KRT4: variants seen among roughly 807,000 people sequenced by gnomAD.
The protein encoded by KRT4 is keratin 4.
Under a neutral mutation model 50.6 loss-of-function variants are expected in KRT4, and 47 were observed. The observed-to-expected ratio is 0.93, with a 90% CI of 0.73 to 1.18. KRT4 has a LOEUF of 1.18. KRT4 is among the 50% of genes most tolerant of loss of function. The pLI is 0.00. For missense variants in KRT4, 651 were observed against 645.7 expected (o/e 1.01, Z -0.09); for synonymous variants, 254 against 251.2 (o/e 1.01, Z -0.10).
Position 52,807,048 on chromosome 12 carries a change from G to C in KRT4, c.*21C>G. 3 of 1,612,862 alleles carry C rather than the reference G, an allele frequency of 1.9e-6. No individual in the cohort carries two copies. The highest frequency in any genetic ancestry group is 2.5e-6 in the Non-Finnish European group (3 of 1,178,938). Reference sequence around the variant, plus strand: ...TGCTGGGCCCAGCTGGACACAGTGAGCTGCAGGGACCTCGTCTCCTCTATC... The same window carrying C: ...TGCTGGGCCCAGCTGGACACAGTGACCTGCAGGGACCTCGTCTCCTCTATC... On this transcript the variant is annotated 3_prime_UTR_variant, in exon 9 of 9. Transcript: ENST00000551956.
At chr12:52,808,987 T>C in intron 4 of KRT4, 137 bp from the exon 5 acceptor site, 4 of 950,288 alleles carry the variant, frequency 4.2e-6, no homozygotes, top group South Asian at 1.4e-5. Context: ...AGAAATCAAG[T>C]GGTTGTGACA....
chr12:52,807,116 A>C lies in KRT4; in HGVS notation c.1516T>G (p.Ser506Ala), dbSNP rs1939810288. ...GTGGTAGAGATGATCTTGCTGCTGGAACTGCCAGAGACACTGCCACCAAAC... is the reference window on the plus strand; with the variant it reads ...GTGGTAGAGATGATCTTGCTGCTGGCACTGCCAGAGACACTGCCACCAAAC... ...FGFGGSVSGS[S>A]SSKIISTTTL... is the part of the protein sequence containing the mutation. Residue 506 changes from serine (S) to alanine (A), a missense_variant, in exon 9 of 9, where the codon TCC becomes GCC. Physicochemically the swap from Ser to Ala is moderately conservative, Grantham distance 99. Coordinates refer to ENST00000551956, the MANE Select transcript of KRT4 (RefSeq NM_002272.4). 3 of 1,613,940 alleles carry C rather than the reference A, an allele frequency of 1.9e-6. No individual in the cohort carries two copies. Among genetic ancestry groups the C allele is most frequent in the Admixed American group, 3.3e-5 (2 of 59,996 alleles).
intron 8 of KRT4, 53 bp downstream of exon 8, chr12:52,807,306 T>A: frequency 6.2e-7 from 1 of 1,613,232 alleles, no homozygotes; most frequent in Non-Finnish European, 8.5e-7. Context: ...ACCCCAGGGG[T>A]CTGGCAAGAC....
At chr12:52,813,528 G>C in intron 1 of KRT4, 69 bp downstream of exon 1, 1 of 1,396,324 alleles carries the variant, frequency 7.2e-7, no homozygotes, top group South Asian at 1.2e-5. Context: ...GGCAGGCTCA[G>C]GTCTGAGACC....
chr12:52,808,363 C>G lies in KRT4; in HGVS notation c.1056G>C (p.Lys352Asn), dbSNP rs762292949. ...DQHGDNLKNT[K>N]SEIAELNRMI... Reference sequence around the variant, plus strand: ...TCCTGTTGAGCTCTGCAATTTCACTCTTGGTGTTCTTCAGGTTGTCACCAT... The same window carrying G: ...TCCTGTTGAGCTCTGCAATTTCACTGTTGGTGTTCTTCAGGTTGTCACCAT... Residue 352 changes from lysine to asparagine, a missense_variant, in exon 6 of 9, where the codon AAG (lysine) becomes AAC (asparagine). Transcript: ENST00000551956. The G allele has an allele frequency of 1.8e-5, 29 of 1,614,034 alleles. No homozygotes were observed. Among genetic ancestry groups the G allele is most frequent in the Non-Finnish European group, 2.4e-5 (28 of 1,180,046 alleles).
rs1443872523 is a variant in KRT4 at position 52,807,109 on chromosome 12, C to T, written c.1523G>A (p.Ser508Asn). 6.2e-7 allele frequency: 1 copy of T among 1,614,154 alleles called. No individual in the cohort carries two copies. The change falls in exon 9 of 9, where the codon AGC (serine) becomes AAC (asparagine). Residue 508 changes from serine to asparagine, a missense_variant. By Grantham distance (46) the Ser-to-Asn change is conservative. Transcript: ENST00000551956. ...CAGGGTGGTGGTAGAGATGATCTTG[C>T]TGCTGGAACTGCCAGAGACACTGCC... Reference protein sequence around the residue: ...FGGSVSGSSSSKIISTTTLNK... With the variant: ...FGGSVSGSSSNKIISTTTLNK...
intron 1 of KRT4, among the ~76,000 whole-genome samples, chr12:52,812,311 TAA>T (rs1173430558): frequency 2.0e-5 from 3 of 152,066 alleles, no homozygotes; most frequent in Non-Finnish European, 4.4e-5. Flanking sequence ...AAAATAAAAT[TAA>T]GAGACATCAC....
chr12:52,807,886 A>G, intron 6 of KRT4, 22 bp from the exon 7 acceptor site: 1 of 1,608,630 alleles, frequency 6.2e-7, no homozygotes. Context: ...GGCATTAGAT[A>G]GGTGGTCAGC....
chr12:52,810,408 G>T (rs527845159), intron 3 of KRT4, among the ~76,000 whole-genome samples: 7 of 152,076 alleles, frequency 4.6e-5, no homozygotes, highest in Non-Finnish European at 7.4e-5. Flanking sequence ...TTAGCCAGGC[G>T]TGGTGGTGCA....
In KRT4 at chr12:52,813,639, C is replaced by T; in HGVS notation, c.420G>A (p.Gln140=). The T allele has an allele frequency of 6.2e-7, 1 of 1,614,034 alleles. No homozygotes were observed. Among genetic ancestry groups the T allele is most frequent in the South Asian group, 1.1e-5 (1 of 91,080 alleles). ...CAAACTTGTTGTTGAGGAGCTTGATCTGTTCGCGCTCTTCCGTCCGGACTT... is the reference window on the plus strand; with the variant it reads ...CAAACTTGTTGTTGAGGAGCTTGATTTGTTCGCGCTCTTCCGTCCGGACTT... ...IQKVRTEERE[Q]IKLLNNKFAS... is the part of the protein sequence containing the mutation. The change falls in exon 1 of 9, where the codon CAG becomes CAA. Residue 140 remains glutamine (Q), a synonymous_variant. Coordinates refer to ENST00000551956, the MANE Select transcript of KRT4 (RefSeq NM_002272.4).
intron 8 of KRT4, 49 bp downstream of exon 8, chr12:52,807,310 G>T (rs1219910431): frequency 6.2e-7 from 1 of 1,614,146 alleles, no homozygotes; most frequent in Admixed American, 1.7e-5. Context: ...CAGGGGTCTG[G>T]CAAGACCCGG....
chr12:52,811,196 C>A (rs1324006312), intron 2 of KRT4, among the ~76,000 whole-genome samples: 1 of 152,172 alleles, frequency 6.6e-6, no homozygotes, highest in Non-Finnish European at 1.5e-5. Context: ...AATTGAGAGA[C>A]AGGGTTGGTA....
At position 52,806,693 on chromosome 12, in the gene KRT4, T is replaced by C; in HGVS notation, c.*376A>G. On this transcript the variant is annotated 3_prime_UTR_variant, in exon 9 of 9. Transcript: ENST00000551956. ...TGTTGGAGAAGTAGTTTGGTTCTGA[T>C]GTAGATGGATAATACAGGATCTAGT... 1 of 331,738 alleles carries C rather than the reference T, an allele frequency of 3.0e-6. No homozygotes were observed. Among genetic ancestry groups the C allele is most frequent in the East Asian group, 6.9e-5 (1 of 14,402 alleles). 20.5% of individuals were successfully genotyped at this position (331,738 alleles called of 1,614,324 possible).
At chr12:52,812,472 A>G (rs1939930032) in intron 1 of KRT4, among the ~76,000 whole-genome samples, 3 of 152,188 alleles carry the variant, frequency 2.0e-5, no homozygotes, top group African/African-American at 4.8e-5. Context: ...ATTTAAAACA[A>G]GGGCCCTGTA....
Position 52,810,821 on chromosome 12 carries a change from G to A in KRT4, c.678-5C>T. On this transcript the variant is annotated splice_polypyrimidine_tract_variant and splice_region_variant and intron_variant, in intron 2 of 8. Coordinates refer to ENST00000551956, the MANE Select transcript of KRT4 (RefSeq NM_002272.4). Reference sequence around the variant, plus strand: ...TTGTTGATCTCCTCTTCATACCTGGGGGTGGGCACGGGGAGAAAAAGACAA... The same window carrying A: ...TTGTTGATCTCCTCTTCATACCTGGAGGTGGGCACGGGGAGAAAAAGACAA... 6.2e-7 allele frequency: 1 copy of A among 1,613,100 alleles called. No homozygotes were observed. Among genetic ancestry groups the A allele is most frequent in the Non-Finnish European group, 8.5e-7 (1 of 1,179,064 alleles).
Position 52,811,677 on chromosome 12 carries a change from T to C in KRT4, c.677+86A>G. Reference sequence around the variant, plus strand: ...TCCTAGACGCCTTCAGAGCCTGAGATTCTAAGCCACTGGAGAGAGCCCCGG... The same window carrying C: ...TCCTAGACGCCTTCAGAGCCTGAGACTCTAAGCCACTGGAGAGAGCCCCGG... On this transcript the variant is annotated intron_variant, in intron 2 of 8. Transcript: ENST00000551956. 8 of 1,117,374 alleles carry C rather than the reference T, an allele frequency of 7.2e-6. 1 individual carries two copies. In the South Asian group the frequency reaches 1.0e-4, roughly 14 times the overall value. 69.2% of individuals were successfully genotyped at this position (1,117,374 alleles called of 1,614,324 possible).
Position 52,808,801 on chromosome 12 carries a change from GA to G in KRT4, c.883del (p.Ser295ProfsTer54). On this transcript the variant is annotated frameshift_variant, in exon 5 of 9. Transcript: ENST00000551956. LOFTEE classifies it high-confidence loss of function. ...GTCCAGGTTGCGGTTGTTGTCCATG[GA>G]AAGGACCACGGACGTGTCGCTGACA... ...THVSDTSVVL[S>X]MDNNRNLDLD... 6.2e-7 allele frequency: 1 copy of G among 1,614,210 alleles called. No individual in the cohort carries two copies. The highest frequency in any genetic ancestry group is 8.5e-7 in the Non-Finnish European group (1 of 1,180,032).
In KRT4 at chr12:52,809,375, G is replaced by A; in HGVS notation, c.834+8C>T. On this transcript the variant is annotated splice_region_variant and intron_variant, in intron 4 of 8. Coordinates refer to ENST00000551956, the MANE Select transcript of KRT4 (RefSeq NM_002272.4). ...TTCCCTGGATGGAGGGGAGGATGGA[G>A]CCCTCACCGCATCATAGAGGACCTT... 1 of 1,598,006 alleles carries A rather than the reference G, an allele frequency of 6.3e-7. No homozygotes were observed. Among genetic ancestry groups the A allele is most frequent in the Non-Finnish European group, 8.6e-7 (1 of 1,165,224 alleles).
chr12:52,811,979 T>C lies in KRT4; in HGVS notation c.463-2A>G, dbSNP rs1406037036. Reference sequence around the variant, plus strand: ...ATTCTGTTGCTCTAAGAACTGCACCTGTGTTGATAAAGGCACCAGCCAAGT... The same window carrying C: ...ATTCTGTTGCTCTAAGAACTGCACCCGTGTTGATAAAGGCACCAGCCAAGT... On this transcript the variant is annotated splice_acceptor_variant, in intron 1 of 8. Transcript: ENST00000551956. LOFTEE classifies it high-confidence loss of function. The C allele has an allele frequency of 2.5e-6, 4 of 1,611,478 alleles. No homozygotes were observed. The highest frequency in any genetic ancestry group is 2.5e-6 in the Non-Finnish European group (3 of 1,178,672).
Sources: allele counts gnomAD v4.1 joint callset (sites outside exome capture counted in the v4.1 genomes callset), GRCh38; gene constraint gnomAD v4.1.1; transcripts MANE v1.5; gene names NCBI Gene and HGNC (gene_info 2026-07-23, HGNC 2026-07-21).